ARHGAP24: variants seen among roughly 807,000 people sequenced by gnomAD.
The protein encoded by ARHGAP24 is rho GTPase-activating protein 24.
A neutral mutation model predicts 76.4 loss-of-function variants in ARHGAP24; 50 were observed. That is an observed-to-expected ratio of 0.65 (90% CI 0.52 to 0.83). The LOEUF (loss-of-function observed/expected upper bound fraction) is 0.83. ARHGAP24 is among the 40% of genes least tolerant of loss of function. ARHGAP24 has a pLI of 0.00. For synonymous variants in ARHGAP24, 345 were observed against 323.3 expected, an observed-to-expected ratio of 1.07 and a Z score of -0.72; for missense variants, 930 against 914.2, an observed-to-expected ratio of 1.02 and a Z score of -0.22.
At chr4:85,729,319 A>G (rs1020174649) in intron 3 of ARHGAP24, among the ~76,000 whole-genome samples, 1 of 152,214 alleles carries the variant, frequency 6.6e-6, no homozygotes, top group Non-Finnish European at 1.5e-5. Flanking sequence ...ATTAACTACT[A>G]TGTGTTCTTA....
At chr4:85,832,087 G>T (rs1730022211) in intron 3 of ARHGAP24, among the ~76,000 whole-genome samples, 1 of 152,156 alleles carries the variant, frequency 6.6e-6, no homozygotes, top group African/African-American at 2.4e-5. Context: ...ACATGCAGGG[G>T]CCATACAGGG....
chr4:85,810,432 G>A (rs868591777), intron 3 of ARHGAP24, among the ~76,000 whole-genome samples: 8 of 152,156 alleles, frequency 5.3e-5, no homozygotes, highest in African/African-American at 9.7e-5. Context: ...GAATAGTGCC[G>A]TTGTCAGATG....
chr4:85,564,406 GC>G (rs1459755108), intron 1 of ARHGAP24, among the ~76,000 whole-genome samples: 25 of 143,252 alleles, frequency 1.7e-4, no homozygotes, highest in South Asian at 1.5e-3. Context: ...GGTGGGGGGA[GC>G]GGGGGGGATA....
At chr4:85,490,149 A>G (rs1486478004) in intron 1 of ARHGAP24, among the ~76,000 whole-genome samples, 1 of 152,152 alleles carries the variant, frequency 6.6e-6, no homozygotes, top group African/African-American at 2.4e-5. Flanking sequence ...TATATATGTC[A>G]TGTTAAGGTA....
chr4:85,537,563 C>G (rs1304353945), intron 1 of ARHGAP24, among the ~76,000 whole-genome samples: 2 of 151,792 alleles, frequency 1.3e-5, no homozygotes, highest in African/African-American at 2.4e-5. Flanking sequence ...AAGGTATGTT[C>G]TCATACAAAA....
At chr4:85,605,943 A>C (rs1332995201) in intron 2 of ARHGAP24, among the ~76,000 whole-genome samples, 1 of 152,192 alleles carries the variant, frequency 6.6e-6, no homozygotes, top group Non-Finnish European at 1.5e-5. Context: ...TCCTGCAAGA[A>C]TTATACTTAT....
chr4:85,881,785 G>T (rs1333902987), intron 3 of ARHGAP24, among the ~76,000 whole-genome samples: 2 of 152,134 alleles, frequency 1.3e-5, no homozygotes, highest in African/African-American at 4.8e-5. Context: ...TGCAGCTCCT[G>T]TTCCCTTTGG....
chr4:85,584,500 G>A (rs1426531248), intron 2 of ARHGAP24, among the ~76,000 whole-genome samples: 1 of 151,372 alleles, frequency 6.6e-6, no homozygotes. Flanking sequence ...TAAATGACGA[G>A]TTAATGGGTG....
intron 3 of ARHGAP24, among the ~76,000 whole-genome samples, chr4:85,833,419 T>C (rs1730096599): frequency 1.3e-5 from 2 of 152,196 alleles, no homozygotes; most frequent in Admixed American, 1.3e-4. Context: ...AGTTAATTTC[T>C]TTATCCTGGG....
chr4:85,536,379 A>G (rs1725472454), intron 1 of ARHGAP24, among the ~76,000 whole-genome samples: 1 of 152,154 alleles, frequency 6.6e-6, no homozygotes. Flanking sequence ...AAACTTGTGA[A>G]TCACTTTATC....
intron 3 of ARHGAP24, among the ~76,000 whole-genome samples, chr4:85,847,129 A>G (rs1005601862): frequency 3.3e-5 from 5 of 152,186 alleles, no homozygotes; most frequent in Admixed American, 2.0e-4. Context: ...GTAAATTTTT[A>G]TAATAATACT....
chr4:85,763,400 A>G (rs751164019), intron 3 of ARHGAP24, among the ~76,000 whole-genome samples: 2 of 152,146 alleles, frequency 1.3e-5, no homozygotes, highest in East Asian at 1.9e-4. Context: ...GGCATCTTGC[A>G]GGGAAGCCAT....
chr4:85,917,377 G>C (rs1017881339), intron 3 of ARHGAP24, among the ~76,000 whole-genome samples: 1 of 151,886 alleles, frequency 6.6e-6, no homozygotes, highest in Non-Finnish European at 1.5e-5. Flanking sequence ...AAACATACGT[G>C]TGCATGTGTC....
intron 1 of ARHGAP24, among the ~76,000 whole-genome samples, chr4:85,564,395 G>T (rs1290447866): frequency 2.0e-5 from 3 of 146,978 alleles, no homozygotes; most frequent in African/African-American, 5.4e-5. Context: ...GCCTGTTGTG[G>T]GGTGGGGGGA....
chr4:85,829,511 A>G (rs1321662741), intron 3 of ARHGAP24, among the ~76,000 whole-genome samples: 2 of 152,236 alleles, frequency 1.3e-5, no homozygotes, highest in Non-Finnish European at 2.9e-5. Context: ...TGCTGAGCAG[A>G]AACACCTGAC....
chr4:85,532,605 A>G (rs1367211953), intron 1 of ARHGAP24, among the ~76,000 whole-genome samples: 1 of 152,120 alleles, frequency 6.6e-6, no homozygotes, highest in Non-Finnish European at 1.5e-5. Context: ...GATACCAACT[A>G]TTATGTTTTG....
chr4:85,513,796 T>C (rs368092658), intron 1 of ARHGAP24, among the ~76,000 whole-genome samples: 6 of 152,302 alleles, frequency 3.9e-5, no homozygotes, highest in African/African-American at 1.4e-4. Flanking sequence ...GATTTCTTTT[T>C]CCCTTGTGAT....
At chr4:85,753,259 T>C (rs1726333591) in intron 3 of ARHGAP24, among the ~76,000 whole-genome samples, 1 of 152,218 alleles carries the variant, frequency 6.6e-6, no homozygotes, top group Non-Finnish European at 1.5e-5. Context: ...TGTATTTTTT[T>C]CTTTTCTTCT....
At chr4:85,552,387 G>T (rs1726174389) in intron 1 of ARHGAP24, among the ~76,000 whole-genome samples, 1 of 152,130 alleles carries the variant, frequency 6.6e-6, no homozygotes, top group Non-Finnish European at 1.5e-5. Context: ...GTCTGAGAGA[G>T]TGGTTGGTAT....
Sources: allele counts gnomAD v4.1 joint callset (sites outside exome capture counted in the v4.1 genomes callset), GRCh38; gene constraint gnomAD v4.1.1; transcripts MANE v1.5; gene names NCBI Gene and HGNC (gene_info 2026-07-23, HGNC 2026-07-21).